Variants in ATP6V1H observed in about 807,000 individuals in gnomAD.
ATP6V1H encodes ATPase H+ transporting V1 subunit H, also known as V-type proton ATPase subunit H.
A neutral mutation model predicts 71.7 loss-of-function variants in ATP6V1H; 39 were observed. The observed-to-expected ratio is 0.54, with a 90% CI of 0.42 to 0.71. The LOEUF is 0.71. ATP6V1H is among the 30% of genes least tolerant of loss of function. The probability of loss-of-function intolerance (pLI) is 0.00; values close to 1 mark genes in which losing one functional copy is unlikely to be tolerated. For synonymous variants in ATP6V1H, 192 were observed against 199.3 expected, an observed-to-expected ratio of 0.96 and a Z score of 0.31; for missense variants, 509 against 594.9, an observed-to-expected ratio of 0.86 and a Z score of 1.50.
At chr8:53,787,428 G>GAAA (rs1809423664) in intron 9 of ATP6V1H, among the ~76,000 whole-genome samples, 1 of 152,306 alleles carries the variant, frequency 6.6e-6, no homozygotes, top group East Asian at 1.9e-4. Flanking sequence ...TGCCTGCATG[G>GAAA]AAAAATGCAT....
rs766845653 is a variant in ATP6V1H, at chr8:53,756,595, C to T, written c.1237G>A (p.Asp413Asn). ...DPQVLAVAAH[D>N]VGEYVRHYPR... is the part of the protein sequence containing the mutation. ...TAATGCCGCACATATTCTCCAACAT[C>T]GTGAGCAGCAACAGCTAAGACTTGG... Residue 413 changes from aspartate (D) to asparagine (N), a missense_variant, in exon 12 of 14, where the codon GAT (aspartate) becomes AAT (asparagine). Transcript: ENST00000359530. The T allele has an allele frequency of 3.1e-6, 5 of 1,614,092 alleles. No homozygotes were observed. The highest frequency in any genetic ancestry group is 3.4e-6 in the Non-Finnish European group (4 of 1,179,990).
intron 9 of ATP6V1H, among the ~76,000 whole-genome samples, chr8:53,777,779 G>A (rs1169613788): frequency 6.6e-6 from 1 of 152,178 alleles, no homozygotes; most frequent in Non-Finnish European, 1.5e-5. Context: ...ATTAAAAACA[G>A]GTGGACCACA....
chr8:53,782,205 C>T (rs1809171175), intron 9 of ATP6V1H, among the ~76,000 whole-genome samples: 1 of 152,012 alleles, frequency 6.6e-6, no homozygotes, highest in Non-Finnish European at 1.5e-5. Context: ...TTTGTATCCT[C>T]TTTTATTTCA....
chr8:53,817,651 G>T (rs780044284), intron 4 of ATP6V1H, 121 bp from the exon 5 acceptor site: 5 of 597,458 alleles, frequency 8.4e-6, no homozygotes, highest in Non-Finnish European at 1.5e-5. Flanking sequence ...GTGTGTATGT[G>T]TGATTTGTCT....
At chr8:53,833,142 G>T (rs768039814) in intron 2 of ATP6V1H, 56 bp from the exon 3 acceptor site, 1 of 1,407,044 alleles carries the variant, frequency 7.1e-7, no homozygotes, top group African/African-American at 1.4e-5. Flanking sequence ...GTAAGCAAGC[G>T]ATAGAGGAAT....
chr8:53,782,894 A>G (rs1425610689), intron 9 of ATP6V1H, among the ~76,000 whole-genome samples: 1 of 152,170 alleles, frequency 6.6e-6, no homozygotes, highest in African/African-American at 2.4e-5. Context: ...GATGAAGCCC[A>G]CTTGATCATG....
At position 53,774,915 on chromosome 8, in the gene ATP6V1H, A is replaced by C. The variant is rs184216724; in HGVS notation, c.871-2748T>G. Reference sequence around the variant, plus strand: ...AACATAAAGAAGACCCAAATTCTGCATATGAACTCTGCCCAAATCTCTAGC... The same window carrying C: ...AACATAAAGAAGACCCAAATTCTGCCTATGAACTCTGCCCAAATCTCTAGC... On this transcript the variant is annotated intron_variant, in intron 9 of 13. Transcript: ENST00000359530. Among the ~76,000 whole-genome samples the C allele has an allele frequency of 3.1e-4, 47 of 152,318 alleles. 1 individual carries two copies. The East Asian group carries it at 8.7e-3, about 28-fold the overall frequency.
chr8:53,749,335 TTGAAAGGTAAC>T, intron 12 of ATP6V1H, among the ~76,000 whole-genome samples: 1 of 152,340 alleles, frequency 6.6e-6, no homozygotes, highest in Middle Eastern at 3.4e-3. Flanking sequence ...AAATAATTTA[TTGAAAGGTAAC>T]TGCATATGGC....
intron 13 of ATP6V1H, chr8:53,739,600 T>C (rs1182902138): frequency 6.6e-6 from 1 of 152,232 alleles, no homozygotes; most frequent in Non-Finnish European, 1.5e-5. Context: ...CATATGCACA[T>C]ATCGTTGCTT....
intron 11 of ATP6V1H, among the ~76,000 whole-genome samples, chr8:53,768,721 T>C (rs12677784): frequency 6.6e-6 from 1 of 152,122 alleles, no homozygotes; most frequent in African/African-American, 2.4e-5. Context: ...TTACATGAAA[T>C]TTCTGTAACA....
intron 9 of ATP6V1H, among the ~76,000 whole-genome samples, chr8:53,784,276 G>C (rs1459642799): frequency 2.0e-5 from 3 of 152,096 alleles, no homozygotes; most frequent in Non-Finnish European, 2.9e-5. Flanking sequence ...TGTTGAATTC[G>C]TCCCTTTACC....
chr8:53,817,310 G>C lies in ATP6V1H; in HGVS notation c.420+107C>G, dbSNP rs2130481148. 3 of 633,246 alleles carry C rather than the reference G, an allele frequency of 4.7e-6. 1 individual carries two copies. In the Admixed American group the frequency reaches 9.6e-5, roughly 20 times the overall value. 39.2% of individuals were successfully genotyped at this position (633,246 alleles called of 1,614,324 possible). On this transcript the variant is annotated intron_variant, in intron 5 of 13. Transcript: ENST00000359530. The stretch of plus-strand genomic sequence containing the variant: ...CCCAGCACTTTGGGAGGCCAAGGCA[G>C]GCGGACTGCTTGAGCCCTAAAGTTC...
chr8:53,755,536 A>C, intron 12 of ATP6V1H, among the ~76,000 whole-genome samples: 1 of 149,252 alleles, frequency 6.7e-6, no homozygotes, highest in Non-Finnish European at 1.5e-5. Context: ...TTCTTTTCCT[A>C]AGGGCCAGAT....
intron 11 of ATP6V1H, among the ~76,000 whole-genome samples, chr8:53,764,959 G>T (rs1370952110): frequency 6.6e-6 from 1 of 152,184 alleles, no homozygotes; most frequent in Non-Finnish European, 1.5e-5. Flanking sequence ...AAACAAAATA[G>T]CCGGGCATGG....
chr8:53,814,760 T>C lies in ATP6V1H; in HGVS notation c.427A>G (p.Arg143Gly), dbSNP rs1388094085. The C allele has an allele frequency of 1.2e-6, 2 of 1,609,060 alleles. No individual in the cohort carries two copies. The highest frequency in any genetic ancestry group is 1.1e-5 in the South Asian group (1 of 90,576). The change falls in exon 6 of 14, where the codon AGA becomes GGA. Residue 143 changes from arginine (R) to glycine (G), a missense_variant. Physicochemically the swap from Arg to Gly is moderately radical, Grantham distance 125. Transcript: ENST00000359530. The part of the protein sequence containing the change: ...QDPFTVHMAA[R>G]IIAKLAAWGK... ...CAAGCTGCTAACTTGGCAATAATTC[T>C]TGCTGCCTGAAAACAAATAAGAGAT...
At chr8:53,776,706 C>T (rs1046901305) in intron 9 of ATP6V1H, among the ~76,000 whole-genome samples, 4 of 152,134 alleles carry the variant, frequency 2.6e-5, no homozygotes, top group African/African-American at 9.7e-5. Flanking sequence ...GTGACCAACA[C>T]TCAAGAGAAA....
At chr8:53,767,485 T>C (rs1379386862) in intron 11 of ATP6V1H, among the ~76,000 whole-genome samples, 2 of 152,226 alleles carry the variant, frequency 1.3e-5, no homozygotes, top group African/African-American at 2.4e-5. Context: ...ATTTAAAATA[T>C]CTACCAATTA....
chr8:53,829,234 T>C lies in ATP6V1H; in HGVS notation c.306+210A>G, dbSNP rs547123836. 5.9e-5 allele frequency among the ~76,000 whole-genome samples: 9 copies of C among 152,322 alleles called. No homozygotes were observed. The South Asian group carries it at 1.7e-3, about 28-fold the overall frequency. ...CAGAAAAATATACATATTGATTACTTGGTGTTCTGAAAAACAAAAACAGCC... is the reference window on the plus strand; with the variant it reads ...CAGAAAAATATACATATTGATTACTCGGTGTTCTGAAAAACAAAAACAGCC... On this transcript the variant is annotated intron_variant, in intron 4 of 13. Coordinates refer to ENST00000359530, the MANE Select transcript of ATP6V1H (RefSeq NM_015941.4).
chr8:53,720,245 C>G (rs1806568280), intron 13 of ATP6V1H, among the ~76,000 whole-genome samples: 1 of 152,186 alleles, frequency 6.6e-6, no homozygotes, highest in Non-Finnish European at 1.5e-5. Context: ...CACCTGAAAT[C>G]TCCTGGGATC....
Sources: allele counts gnomAD v4.1 joint callset (sites outside exome capture counted in the v4.1 genomes callset), GRCh38; gene constraint gnomAD v4.1.1; transcripts MANE v1.5; gene names NCBI Gene and HGNC (gene_info 2026-07-23, HGNC 2026-07-21).